CERT1: variants seen among roughly 807,000 people sequenced by gnomAD.
CERT1 encodes the protein ceramide transporter 1.
In CERT1, 31 loss-of-function variants were observed where a neutral mutation model predicts 87.9. That is an observed-to-expected ratio of 0.35 (90% CI 0.27 to 0.48). The LOEUF is 0.48. CERT1 is among the 20% of genes least tolerant of loss of function. The probability of loss-of-function intolerance (pLI) is 0.99; values close to 1 mark genes in which losing one functional copy is unlikely to be tolerated. For missense variants in CERT1, 487 were observed against 758.0 expected (o/e 0.64, Z 4.20); for synonymous variants, 289 against 250.9 (o/e 1.15, Z -1.44).
intron 2 of CERT1, among the ~76,000 whole-genome samples, chr5:75,501,353 C>A (rs1291633080): frequency 6.6e-6 from 1 of 152,100 alleles, no homozygotes; most frequent in African/African-American, 2.4e-5. Context: ...ATAAAACTGG[C>A]AAATTTCCCT....
intron 5 of CERT1, among the ~76,000 whole-genome samples, chr5:75,424,350 G>A (rs1763510752): frequency 6.6e-6 from 1 of 152,134 alleles, no homozygotes; most frequent in South Asian, 2.1e-4. Flanking sequence ...GGAAGGCCGA[G>A]GCGGGCAGAT....
intron 2 of CERT1, among the ~76,000 whole-genome samples, chr5:75,477,772 C>G (rs1766036072): frequency 6.6e-6 from 1 of 151,366 alleles, no homozygotes; most frequent in Non-Finnish European, 1.5e-5. Context: ...AAAATCACAT[C>G]AAGGATTAAC....
At chr5:75,472,923 T>A (rs1429094936) in intron 2 of CERT1, among the ~76,000 whole-genome samples, 2 of 152,196 alleles carry the variant, frequency 1.3e-5, no homozygotes, top group Admixed American at 6.5e-5. Context: ...ATATCTAAAG[T>A]AAATAAAATC....
intron 3 of CERT1, among the ~76,000 whole-genome samples, chr5:75,448,572 C>G (rs1305496169): frequency 6.6e-6 from 1 of 152,084 alleles, no homozygotes; most frequent in Non-Finnish European, 1.5e-5. Flanking sequence ...CTTTAGGAAA[C>G]ATTTTCTCCC....
chr5:75,383,847 C>T (rs1041075669), intron 14 of CERT1, among the ~76,000 whole-genome samples: 1 of 152,038 alleles, frequency 6.6e-6, no homozygotes, highest in Non-Finnish European at 1.5e-5. Flanking sequence ...ATGCTATACA[C>T]ATTATGTTAT....
At chr5:75,467,892 G>A (rs907264527) in intron 2 of CERT1, among the ~76,000 whole-genome samples, 1 of 152,134 alleles carries the variant, frequency 6.6e-6, no homozygotes, top group Non-Finnish European at 1.5e-5. Context: ...GAAACTGGAT[G>A]AATAAATGGA....
chr5:75,492,675 C>T (rs1429405297), intron 2 of CERT1, among the ~76,000 whole-genome samples: 1 of 152,018 alleles, frequency 6.6e-6, no homozygotes, highest in Non-Finnish European at 1.5e-5. Context: ...ACTTTTACAT[C>T]GATTGTTGAG....
At chr5:75,459,575 C>T (rs1010499817) in intron 2 of CERT1, among the ~76,000 whole-genome samples, 3 of 152,150 alleles carry the variant, frequency 2.0e-5, no homozygotes, top group Non-Finnish European at 1.5e-5. Flanking sequence ...CTCACTCCAG[C>T]CTTGAACTCC....
At chr5:75,389,151 A>T (rs1761929958) in intron 12 of CERT1, among the ~76,000 whole-genome samples, 1 of 152,180 alleles carries the variant, frequency 6.6e-6, no homozygotes, top group African/African-American at 2.4e-5. Context: ...ACCAATGTCC[A>T]AATATCAAAT....
intron 2 of CERT1, among the ~76,000 whole-genome samples, chr5:75,462,741 TC>T (rs1765289630): frequency 6.6e-6 from 1 of 152,014 alleles, no homozygotes; most frequent in Non-Finnish European, 1.5e-5. Context: ...ACGCCTGTAA[TC>T]CCAGCACTTT....
intron 8 of CERT1, among the ~76,000 whole-genome samples, chr5:75,406,675 G>A (rs944184244): frequency 6.6e-6 from 1 of 151,914 alleles, no homozygotes; most frequent in Non-Finnish European, 1.5e-5. Flanking sequence ...GAGTAGATGG[G>A]ACTACAGGTG....
In CERT1 at chr5:75,448,469, G is replaced by A. The variant is rs200602055; in HGVS notation, c.348+10596C>T. 8.5e-5 allele frequency among the ~76,000 whole-genome samples: 13 copies of A among 152,196 alleles called. No individual in the cohort carries two copies. In the East Asian group the frequency reaches 2.5e-3, roughly 29 times the overall value. On this transcript the variant is annotated intron_variant, in intron 3 of 16. Transcript: ENST00000643780. ...GTTTTTCATTCTCAGTATCAGACAA[G>A]CTGAGAATATGTACCAAGCAATAAC... is the stretch of plus-strand genomic sequence containing the variant.
intron 2 of CERT1, among the ~76,000 whole-genome samples, chr5:75,468,534 A>C (rs1210988875): frequency 6.6e-6 from 1 of 152,064 alleles, no homozygotes; most frequent in Non-Finnish European, 1.5e-5. Context: ...ACAGGTGGTA[A>C]ACTATAGCCC....
chr5:75,397,716 T>A (rs1323478494), intron 11 of CERT1, among the ~76,000 whole-genome samples: 1 of 152,078 alleles, frequency 6.6e-6, no homozygotes, highest in Non-Finnish European at 1.5e-5. Flanking sequence ...TGAATATGAG[T>A]CTCTTTTTAA....
chr5:75,485,177 T>C (rs1428024501), intron 2 of CERT1, among the ~76,000 whole-genome samples: 2 of 151,592 alleles, frequency 1.3e-5, no homozygotes, highest in African/African-American at 2.4e-5. Flanking sequence ...CACAAAAACA[T>C]ACATGGGAGG....
chr5:75,424,912 A>G (rs1293636490), intron 5 of CERT1, among the ~76,000 whole-genome samples: 1 of 152,148 alleles, frequency 6.6e-6, no homozygotes, highest in African/African-American at 2.4e-5. Flanking sequence ...CAGGAGTTCA[A>G]GACCAACCTG....
At chr5:75,407,232 T>A (rs1238621765) in intron 8 of CERT1, among the ~76,000 whole-genome samples, 1 of 152,042 alleles carries the variant, frequency 6.6e-6, no homozygotes, top group African/African-American at 2.4e-5. Context: ...TGGAATAAAA[T>A]AGGTTTCTAT....
At chr5:75,374,136 CTTTT>C (rs545323650), downstream of CERT1, 1 of 345,974 alleles carries the variant, frequency 2.9e-6, no homozygotes, top group Non-Finnish European at 5.1e-6. Context: ...GAGCATTCAG[CTTTT>C]TTTTTTCTTT....
At position 75,511,358 on chromosome 5, in the gene CERT1, C is replaced by T. The variant is rs1392880324; in HGVS notation, c.-151G>A. ...GGAGCAGGAGGAGGGACGAAGTCCG[C>T]CCGCCGCGCCGCCGCCGCGCCTGAC... On this transcript the variant is annotated 5_prime_UTR_variant, in exon 1 of 17. Transcript: ENST00000643780. 1.9e-6 allele frequency: 3 copies of T among 1,545,100 alleles called. No homozygotes were observed. The highest frequency in any genetic ancestry group is 2.0e-5 in the Admixed American group (1 of 50,888).
Sources: gnomAD v4.1 joint callset for allele counts (sites outside exome capture counted in the v4.1 genomes callset) on GRCh38, gnomAD v4.1.1 for gene constraint, MANE v1.5 for transcripts, NCBI Gene and HGNC (gene_info 2026-07-23, HGNC 2026-07-21) for gene names.